The following GOLGA4 variants were observed in gnomAD, a reference collection of about 807,000 sequenced individuals.
The protein encoded by GOLGA4 is golgin A4.
Under a neutral mutation model 265.9 loss-of-function variants are expected in GOLGA4, and 169 were observed. That is an observed-to-expected ratio of 0.64 (90% CI 0.56 to 0.72). The LOEUF (loss-of-function observed/expected upper bound fraction) is 0.72. GOLGA4 is among the 30% of genes least tolerant of loss of function. The probability of loss-of-function intolerance (pLI) is 0.00; values close to 1 mark genes in which losing one functional copy is unlikely to be tolerated. For missense variants in GOLGA4, 2,482 were observed against 2,483.4 expected (o/e 1.00, Z 0.01); for synonymous variants, 923 against 855.8 (o/e 1.08, Z -1.37).
chr3:37,277,625 G>C (rs572860294), intron 2 of GOLGA4, among the ~76,000 whole-genome samples: 26 of 152,338 alleles, frequency 1.7e-4, no homozygotes, highest in Admixed American at 1.2e-3. Context: ...TTCTGTCAAT[G>C]AGTGAGATTG....
At chr3:37,293,287 T>G (rs1275992563) in intron 5 of GOLGA4, among the ~76,000 whole-genome samples, 3 of 151,996 alleles carry the variant, frequency 2.0e-5, no homozygotes, top group Non-Finnish European at 2.9e-5. Context: ...CTTAAAACAT[T>G]GTGAGATTTT....
chr3:37,341,789 TTTG>T (rs2097035349), intron 20 of GOLGA4: 1 of 152,212 alleles, frequency 6.6e-6, no homozygotes, highest in Admixed American at 6.5e-5. Flanking sequence ...GTCAATTCCT[TTTG>T]TTATTTTCCA....
At chr3:37,302,468 C>T in intron 10 of GOLGA4, 136 bp downstream of exon 10, 1 of 763,950 alleles carries the variant, frequency 1.3e-6, no homozygotes, top group Non-Finnish European at 2.1e-6. Context: ...CACCCATCTG[C>T]TCATTAGAGG....
intron 19 of GOLGA4, among the ~76,000 whole-genome samples, chr3:37,338,442 A>T (rs2097021690): frequency 1.3e-5 from 2 of 152,214 alleles, no homozygotes; most frequent in Admixed American, 6.5e-5. Context: ...GATAGGTCCC[A>T]ATGTGACTTT....
At chr3:37,301,309 G>C (rs1249112206) in intron 9 of GOLGA4, among the ~76,000 whole-genome samples, 1 of 152,190 alleles carries the variant, frequency 6.6e-6, no homozygotes, top group East Asian at 1.9e-4. Flanking sequence ...GAAGTAACTA[G>C]CAAGTTGGAG....
rs2096967949 is a variant in GOLGA4, at chr3:37,325,622, AT to A, written c.3738del (p.Leu1247PhefsTer19). 6.2e-7 allele frequency: 1 copy of A among 1,613,526 alleles called. No individual in the cohort carries two copies. Among genetic ancestry groups the A allele is most frequent in the Non-Finnish European group, 8.5e-7 (1 of 1,179,446 alleles). ...CATTAGTAGTAGTAAAACTAATGCC[AT>A]TCTTTCTAGGATTTCTCATTGTCAG... ...INISSSKTNA[I>X]LSRISHCQHR... is the part of the protein sequence containing the mutation. On this transcript the variant is annotated frameshift_variant, in exon 14 of 24. Transcript: ENST00000361924. LOFTEE classifies it high-confidence loss of function.
rs753890056 is a variant in GOLGA4, at chr3:37,347,313, G to T, written c.6576+17G>T. 7.5e-7 allele frequency: 1 copy of T among 1,325,468 alleles called. No individual in the cohort carries two copies. The highest frequency in any genetic ancestry group is 1.4e-5 in the African/African-American group (1 of 69,300). 82.1% of individuals were successfully genotyped at this position (1,325,468 alleles called of 1,614,324 possible). A position where few individuals can be genotyped will look rare whatever the true frequency, so the allele number is the denominator to read the frequency against. ...GAGACTAAGGTATAAATCATGTCTC[G>T]TGATTTGGTGTGTGGCTTAATTTTA... On this transcript the variant is annotated intron_variant, in intron 21 of 23. Coordinates refer to ENST00000361924, the MANE Select transcript of GOLGA4 (RefSeq NM_002078.5).
chr3:37,355,070 TG>T (rs764872868), intron 21 of GOLGA4, 30 bp from the exon 22 acceptor site: 1 of 1,226,098 alleles, frequency 8.2e-7, no homozygotes, highest in South Asian at 1.2e-5. Flanking sequence ...CTTCACTGTC[TG>T]TTAGTGATCA....
chr3:37,313,394 T>C (rs1032647600), intron 10 of GOLGA4: 6 of 152,220 alleles, frequency 3.9e-5, no homozygotes, highest in Admixed American at 6.5e-5. Flanking sequence ...TTAAACCAAA[T>C]TGTTAATGAA....
At chr3:37,342,304 A>G (rs2097038478) in intron 20 of GOLGA4, among the ~76,000 whole-genome samples, 1 of 152,194 alleles carries the variant, frequency 6.6e-6, no homozygotes, top group Non-Finnish European at 1.5e-5. Context: ...AGATCACACC[A>G]CTGGACTCCA....
intron 2 of GOLGA4, among the ~76,000 whole-genome samples, chr3:37,261,137 C>T (rs1183709489): frequency 1.3e-5 from 2 of 151,936 alleles, no homozygotes; most frequent in African/African-American, 4.8e-5. Flanking sequence ...CGCCACCGCA[C>T]TCCACCCTTG....
At chr3:37,363,920 T>C (rs1696539080) in intron 23 of GOLGA4, among the ~76,000 whole-genome samples, 1 of 152,186 alleles carries the variant, frequency 6.6e-6, no homozygotes, top group African/African-American at 2.4e-5. Context: ...GAATTTTGTT[T>C]CCCACAACAG....
intron 10 of GOLGA4, 130 bp downstream of exon 10, chr3:37,302,462 C>T: frequency 1.3e-6 from 1 of 784,834 alleles, no homozygotes; most frequent in South Asian, 1.9e-5. Flanking sequence ...ATAAGACACC[C>T]ATCTGCTCAT....
chr3:37,349,696 A>G (rs1245457587), intron 21 of GOLGA4, among the ~76,000 whole-genome samples: 1 of 152,132 alleles, frequency 6.6e-6, no homozygotes, highest in Non-Finnish European at 1.5e-5. Flanking sequence ...GGGTTTGCCC[A>G]ATTTCTATAC....
intron 5 of GOLGA4, among the ~76,000 whole-genome samples, chr3:37,290,535 A>C (rs1049757322): frequency 1.3e-5 from 2 of 152,168 alleles, no homozygotes; most frequent in African/African-American, 4.8e-5. Flanking sequence ...AACCAGGCTA[A>C]TTTACTTTTG....
chr3:37,277,553 T>C (rs2096822808), intron 2 of GOLGA4, among the ~76,000 whole-genome samples: 1 of 152,254 alleles, frequency 6.6e-6, no homozygotes, highest in Admixed American at 6.5e-5. Flanking sequence ...ATTAAAGCGG[T>C]GGTCTTTCCA....
In GOLGA4 at chr3:37,300,496, T is replaced by A. The variant is rs541951839; in HGVS notation, c.1086+1125T>A. On this transcript the variant is annotated intron_variant, in intron 9 of 23. Coordinates refer to ENST00000361924, the MANE Select transcript of GOLGA4 (RefSeq NM_002078.5). ...GGCCTACTTAAATTGTTTTTTTTTTTAAATATTATAATGAAGAACTTAAAA... is the reference window on the plus strand; with the variant it reads ...GGCCTACTTAAATTGTTTTTTTTTTAAAATATTATAATGAAGAACTTAAAA... Among the ~76,000 whole-genome samples the A allele has an allele frequency of 4.7e-4, 71 of 152,038 alleles. 2 individuals carry two copies. Among genetic ancestry groups the A allele is most frequent in the Non-Finnish European group, 7.5e-4 (51 of 67,974 alleles).
intron 2 of GOLGA4, among the ~76,000 whole-genome samples, chr3:37,254,948 T>A (rs1263573460): frequency 1.3e-5 from 2 of 149,186 alleles, no homozygotes; most frequent in Non-Finnish European, 3.0e-5. Flanking sequence ...ACTTATACCC[T>A]ATTATCTAGA....
intron 10 of GOLGA4, among the ~76,000 whole-genome samples, chr3:37,310,773 A>G (rs2096921034): frequency 6.6e-6 from 1 of 151,652 alleles, no homozygotes; most frequent in Non-Finnish European, 1.5e-5. Context: ...AGATACATTG[A>G]ATTTTGCTTT....
Sources: gnomAD v4.1 joint callset for allele counts (sites outside exome capture counted in the v4.1 genomes callset) on GRCh38, gnomAD v4.1.1 for gene constraint, MANE v1.5 for transcripts, NCBI Gene and HGNC (gene_info 2026-07-23, HGNC 2026-07-21) for gene names.